Variants in RC3H1 observed in about 807,000 individuals in gnomAD.
The protein encoded by RC3H1 is roquin-1.
In RC3H1, 50 loss-of-function variants were observed where a neutral mutation model predicts 138.2. The observed-to-expected ratio is 0.36, with a 90% CI of 0.29 to 0.46. The LOEUF (loss-of-function observed/expected upper bound fraction) is 0.46. Ranked by LOEUF, RC3H1 falls within the 20% of genes least tolerant of loss-of-function variation. RC3H1 has a pLI of 1.00. For synonymous variants in RC3H1, 462 were observed against 489.1 expected (o/e 0.94, Z 0.73); for missense variants, 1,031 against 1,388.1 (o/e 0.74, Z 4.09).
At chr1:174,003,687 GTC>G (rs1168282661) in intron 1 of RC3H1, among the ~76,000 whole-genome samples, 3 of 148,936 alleles carry the variant, frequency 2.0e-5, no homozygotes, top group African/African-American at 4.9e-5. Context: ...TTGAGACGGA[GTC>G]TCTCTGTGTC....
intron 13 of RC3H1, among the ~76,000 whole-genome samples, chr1:173,955,263 TACA>T (rs72151707): frequency 0.26 from 34,665 of 131,502 alleles, 8,613 homozygotes; most frequent in African/African-American, 0.67. Context: ...ACAATCTTCA[TACA>T]ACAACAACAA....
chr1:173,980,915 A>G lies in RC3H1; in HGVS notation c.863T>C (p.Val288Ala), dbSNP rs1660786461. ...ALRREHDSQI[V>A]QIAMEAGLRI... ...TAAGCCTGCTTCCATAGCAATCTGC[A>G]CTATCTGGGAGTCATGTTCTCGCCG... Residue 288 changes from valine to alanine, a missense_variant, in exon 6 of 20, where the codon GTG (valine) becomes GCG (alanine). Val to Ala is a moderately conservative substitution (Grantham distance 64). This residue lies in a region of RC3H1 where 142 missense variants were observed against 224.6 expected (regional missense o/e 0.63). Coordinates refer to ENST00000367696, the MANE Select transcript of RC3H1 (RefSeq NM_172071.4). The G allele has an allele frequency of 3.7e-6, 6 of 1,613,966 alleles. No homozygotes were observed. Among genetic ancestry groups the G allele is most frequent in the South Asian group, 2.2e-5 (2 of 91,086 alleles).
chr1:173,972,972 T>C (rs955180967), intron 7 of RC3H1, among the ~76,000 whole-genome samples: 5 of 152,202 alleles, frequency 3.3e-5, no homozygotes, highest in South Asian at 4.1e-4. Flanking sequence ...TCTAAGAGTA[T>C]GGTTATAACT....
chr1:173,983,274 T>C, intron 4 of RC3H1, 144 bp downstream of exon 4: 1 of 1,003,258 alleles, frequency 1.0e-6, no homozygotes, highest in South Asian at 1.7e-5. Flanking sequence ...TTACATGGAA[T>C]TGCCCAAGCC....
Position 173,961,990 on chromosome 1 carries a change from A to G in RC3H1, c.1937T>C (p.Leu646Pro). Residue 646 changes from leucine to proline, a missense_variant, in exon 12 of 20, where the codon CTC becomes CCC. This residue lies in a region of RC3H1 where 716 missense variants were observed against 837.9 expected (regional missense o/e 0.85). Coordinates refer to ENST00000367696, the MANE Select transcript of RC3H1 (RefSeq NM_172071.4). ...PPYLDHYPPY[L>P]QERVVNSQYG... is the part of the protein sequence containing the mutation. ...CTGAGAGTTTACAACACGTTCTTGG[A>G]GGTAGGGTGGATAATGATCCAAGTA... The G allele has an allele frequency of 6.2e-7, 1 of 1,613,994 alleles. No homozygotes were observed. The highest frequency in any genetic ancestry group is 8.5e-7 in the Non-Finnish European group (1 of 1,179,980).
chr1:173,980,971 C>T lies in RC3H1; in HGVS notation c.807G>A (p.Leu269=). The T allele has an allele frequency of 6.2e-7, 1 of 1,613,908 alleles. No individual in the cohort carries two copies. ...KRDEDSSLMQ[L]KEEFRTYEAL... ...CTTCATAGGTTCTAAATTCTTCTTT[C>T]AGCTGCATCAAAGAAGAGTCTTCAT... is the stretch of plus-strand genomic sequence containing the variant. The change falls in exon 6 of 20, where the codon CTG becomes CTA. Residue 269 remains leucine, a synonymous_variant. Transcript: ENST00000367696.
At chr1:173,963,477 C>G (rs923670702) in intron 11 of RC3H1, among the ~76,000 whole-genome samples, 1 of 152,110 alleles carries the variant, frequency 6.6e-6, no homozygotes, top group South Asian at 2.1e-4. Flanking sequence ...GTTTTCTATT[C>G]TTTACCATTA....
chr1:173,961,804 G>A lies in RC3H1; in HGVS notation c.2123C>T (p.Ser708Phe). 1 of 1,613,706 alleles carries A rather than the reference G, an allele frequency of 6.2e-7. No individual in the cohort carries two copies. The highest frequency in any genetic ancestry group is 8.5e-7 in the Non-Finnish European group (1 of 1,180,002). ...CTCGATCTGTTGGTATCTTTCTCTGGATTCTGGTACATACGATGGTACTGC... is the reference window on the plus strand; with the variant it reads ...CTCGATCTGTTGGTATCTTTCTCTGAATTCTGGTACATACGATGGTACTGC... ...PAAVPSYVPE[S>F]RERYQQIESY... The change falls in exon 12 of 20, where the codon TCC (serine) becomes TTC (phenylalanine). Residue 708 changes from serine to phenylalanine, a missense_variant. By Grantham distance (155) the Ser-to-Phe change is radical. Transcript: ENST00000367696.
Position 173,964,872 on chromosome 1 carries a change from AGAT to A in RC3H1, c.1580_1582del (p.His527del). On this transcript the variant is annotated inframe_deletion, in exon 10 of 20. Transcript: ENST00000367696. ...AGGGGATCCAGGAGCACTACTGCTC[AGAT>A]GATCTATTTTTCCTGGTTTCAGACT... 1 of 1,614,216 alleles carries A rather than the reference AGAT, an allele frequency of 6.2e-7. No homozygotes were observed. Among genetic ancestry groups the A allele is most frequent in the Non-Finnish European group, 8.5e-7 (1 of 1,180,028 alleles).
intron 2 of RC3H1, among the ~76,000 whole-genome samples, chr1:173,988,016 C>G (rs776696113): frequency 6.6e-6 from 1 of 152,192 alleles, no homozygotes; most frequent in African/African-American, 2.4e-5. Context: ...GAGTACACTG[C>G]TTATAGATAA....
At position 173,964,991 on chromosome 1, in the gene RC3H1, T is replaced by C; in HGVS notation, c.1464A>G (p.Arg488=). The change falls in exon 10 of 20, where the codon AGA becomes AGG. Residue 488 remains arginine (R), a synonymous_variant. Transcript: ENST00000367696. ...TTCCATTTGGCAGAGCAGGAGGTTT[T>C]CTGCTAGGGAGATCCACTGCACCTT... ...PDEGAVDLPS[R]KPPALPNGIV... 1 of 1,614,168 alleles carries C rather than the reference T, an allele frequency of 6.2e-7. No individual in the cohort carries two copies. Among genetic ancestry groups the C allele is most frequent in the African/African-American group, 1.3e-5 (1 of 75,048 alleles).
At chr1:173,968,537 T>C (rs1660216880) in intron 9 of RC3H1, among the ~76,000 whole-genome samples, 1 of 152,174 alleles carries the variant, frequency 6.6e-6, no homozygotes, top group South Asian at 2.1e-4. Context: ...CAATTCATGT[T>C]TGTGATTTTT....
At chr1:174,011,201 C>A (rs1246850761) in intron 1 of RC3H1, among the ~76,000 whole-genome samples, 1 of 151,334 alleles carries the variant, frequency 6.6e-6, no homozygotes, top group Non-Finnish European at 1.5e-5. Context: ...CACAGACCTA[C>A]AAAATAAGAA....
intron 13 of RC3H1, among the ~76,000 whole-genome samples, chr1:173,956,068 T>C (rs533763273): frequency 3.3e-5 from 5 of 149,854 alleles, no homozygotes; most frequent in Non-Finnish European, 5.9e-5. Context: ...GAGGTGGAGG[T>C]TGCAGTGAGC....
chr1:173,979,949 C>G (rs903691535), intron 6 of RC3H1, among the ~76,000 whole-genome samples: 40 of 152,060 alleles, frequency 2.6e-4, no homozygotes, highest in African/African-American at 8.7e-4. Flanking sequence ...GCTAACATAG[C>G]TCACTGCACC....
Position 173,961,832 on chromosome 1 carries a change from C to T in RC3H1, c.2095G>A (p.Ala699Thr), listed in dbSNP as rs993691457. The T allele has an allele frequency of 6.2e-7, 1 of 1,614,008 alleles. No homozygotes were observed. The highest frequency in any genetic ancestry group is 8.5e-7 in the Non-Finnish European group (1 of 1,180,020). ...ESPIPIEIPPAAVPSYVPESR... is the reference protein window; with the variant it reads ...ESPIPIEIPPTAVPSYVPESR... ...TCTGGTACATACGATGGTACTGCTG[C>T]AGGTGGAATCTCAATGGGTATAGGG... is the stretch of plus-strand genomic sequence containing the variant. Residue 699 changes from alanine (A) to threonine (T), a missense_variant, in exon 12 of 20, where the codon GCA (alanine) becomes ACA (threonine). Physicochemically the swap from Ala to Thr is moderately conservative, Grantham distance 58. Transcript: ENST00000367696.
Position 173,943,487 on chromosome 1 carries a change from G to T in RC3H1, c.3090C>A (p.His1030Gln). ...TCTTCCCGATTTCCCTTTCCACCTG[G>T]TGCAGTTCCAAGCTCAACTGCTCAC... is the stretch of plus-strand genomic sequence containing the variant. The part of the protein sequence containing the change: ...ISSEQLSLEL[H>Q]QVEREIGKRT... Residue 1030 changes from histidine to glutamine, a missense_variant, in exon 18 of 20, where the codon CAC (histidine) becomes CAA (glutamine). Physicochemically the swap from His to Gln is conservative, Grantham distance 24. Transcript: ENST00000367696. 1.2e-6 allele frequency: 2 copies of T among 1,613,770 alleles called. No individual in the cohort carries two copies. The highest frequency in any genetic ancestry group is 1.7e-6 in the Non-Finnish European group (2 of 1,179,862).
At chr1:173,962,961 A>G (rs1020448736) in intron 11 of RC3H1, among the ~76,000 whole-genome samples, 3 of 152,172 alleles carry the variant, frequency 2.0e-5, no homozygotes, top group African/African-American at 7.2e-5. Flanking sequence ...TAAATGACAG[A>G]CTCGGAAAAA....
chr1:173,984,527 C>A lies in RC3H1; in HGVS notation c.324G>T (p.Leu108Phe), dbSNP rs1157116543. 1 of 1,613,824 alleles carries A rather than the reference C, an allele frequency of 6.2e-7. No individual in the cohort carries two copies. The change falls in exon 3 of 20, where the codon TTG (leucine) becomes TTT (phenylalanine). Residue 108 changes from leucine (L) to phenylalanine (F), a missense_variant. Leu to Phe is a conservative substitution (Grantham distance 22). Coordinates refer to ENST00000367696, the MANE Select transcript of RC3H1 (RefSeq NM_172071.4). ...EAKKCVEELA[L>F]YLKPLSSARG... Reference sequence around the variant, plus strand: ...TAGCACTGCTGAGCGGTTTTAAGTACAATGCTAATTCTTCTACACATTTCT... The same window carrying A: ...TAGCACTGCTGAGCGGTTTTAAGTAAAATGCTAATTCTTCTACACATTTCT...
Sources: gnomAD v4.1 joint callset for allele counts (sites outside exome capture counted in the v4.1 genomes callset) on GRCh38, gnomAD v4.1.1 for gene constraint, gnomAD v4.1.1 regional missense constraint, MANE v1.5 for transcripts, NCBI Gene and HGNC (gene_info 2026-07-23, HGNC 2026-07-21) for gene names.